HDAC9: variants seen among roughly 807,000 people sequenced by gnomAD.
HDAC9 encodes MEF-2 interacting transcription repressor (MITR) protein.
In HDAC9, 41 loss-of-function variants were observed where a neutral mutation model predicts 139.4. The observed-to-expected ratio is 0.29, with a 90% CI of 0.23 to 0.38. HDAC9 has a LOEUF of 0.38. Among genes scored for constraint, HDAC9 ranks in the 10% least tolerant of loss-of-function variants. The pLI, the probability that HDAC9 is intolerant of heterozygous loss-of-function variation, is 1.00. For missense variants in HDAC9, 1,147 were observed against 1,297.0 expected (o/e 0.88, Z 1.78); for synonymous variants, 517 against 476.2 (o/e 1.09, Z -1.12).
At chr7:18,599,416 A>G (rs1385799270) in intron 6 of HDAC9, among the ~76,000 whole-genome samples, 3 of 152,208 alleles carry the variant, frequency 2.0e-5, no homozygotes, top group South Asian at 4.1e-4. Flanking sequence ...ACAGAATGAT[A>G]TAGAATAGTT....
In HDAC9 at chr7:18,481,383, G is replaced by A. The variant is rs189395314; in HGVS notation, c.-41-14879G>A. Among the ~76,000 whole-genome samples the A allele has an allele frequency of 1.9e-3, 286 of 152,224 alleles. 2 individuals are homozygous for A. Among genetic ancestry groups the A allele is most frequent in the Non-Finnish European group, 3.3e-3 (223 of 68,008 alleles). Reference sequence around the variant, plus strand: ...TTGCTGCATACGTGTACTGTTACAGGTCTAATGTTTCCTTCGTGGTGTTCA... The same window carrying A: ...TTGCTGCATACGTGTACTGTTACAGATCTAATGTTTCCTTCGTGGTGTTCA... On this transcript the variant is annotated intron_variant, in intron 1 of 3. Transcript: ENST00000413509.
At chr7:18,668,945 T>C (rs1426468191) in intron 12 of HDAC9, 1 of 933,710 alleles carries the variant, frequency 1.1e-6, no homozygotes, top group Non-Finnish European at 1.3e-6. Context: ...CCAGTCTTTG[T>C]TGAAACAAGA....
At chr7:18,552,959 A>C (rs990326624) in intron 2 of HDAC9, among the ~76,000 whole-genome samples, 2 of 152,216 alleles carry the variant, frequency 1.3e-5, no homozygotes, top group African/African-American at 4.8e-5. Flanking sequence ...ATCCAAGTGT[A>C]CTGGCAGCGT....
chr7:18,761,664 A>G (rs761414244), intron 14 of HDAC9, among the ~76,000 whole-genome samples: 1 of 152,194 alleles, frequency 6.6e-6, no homozygotes, highest in Non-Finnish European at 1.5e-5. Flanking sequence ...GTTTTAACTA[A>G]TACTACTGTG....
intron 1 of HDAC9, among the ~76,000 whole-genome samples, chr7:18,089,982 C>T (rs899017228): frequency 6.6e-6 from 1 of 152,092 alleles, no homozygotes; most frequent in Non-Finnish European, 1.5e-5. Flanking sequence ...GCTCTTACTG[C>T]TTGAAGCCTT....
chr7:18,624,237 A>G (rs757333475), intron 6 of HDAC9, among the ~76,000 whole-genome samples: 2 of 152,142 alleles, frequency 1.3e-5, no homozygotes, highest in African/African-American at 2.4e-5. Flanking sequence ...ATTGTGTACC[A>G]TGGAGACTAG....
intron 2 of HDAC9, among the ~76,000 whole-genome samples, chr7:18,278,027 T>C (rs1796859984): frequency 6.6e-6 from 1 of 152,186 alleles, no homozygotes; most frequent in Non-Finnish European, 1.5e-5. Context: ...TTCACTTCAC[T>C]AGCAACATCG....
chr7:18,836,215 AG>A (rs147426284), intron 21 of HDAC9, among the ~76,000 whole-genome samples: 345 of 152,268 alleles, frequency 2.3e-3, no homozygotes, highest in Middle Eastern at 3.4e-3. Flanking sequence ...CTCCCAAATA[AG>A]GAGGAAAAAA....
At chr7:18,378,905 A>G (rs1250032010) in intron 1 of HDAC9, among the ~76,000 whole-genome samples, 6 of 152,088 alleles carry the variant, frequency 3.9e-5, no homozygotes, top group East Asian at 1.9e-4. Flanking sequence ...CCCTTAATTC[A>G]GTTTTATCTA....
intron 2 of HDAC9, among the ~76,000 whole-genome samples, chr7:18,532,110 C>A (rs1486129023): frequency 6.6e-6 from 1 of 151,964 alleles, no homozygotes; most frequent in Non-Finnish European, 1.5e-5. Flanking sequence ...ATTATCTGGG[C>A]ATGGTGGTGC....
chr7:18,500,162 T>C (rs576152614), intron 2 of HDAC9, among the ~76,000 whole-genome samples: 11 of 152,130 alleles, frequency 7.2e-5, no homozygotes, highest in Non-Finnish European at 1.5e-4. Flanking sequence ...ACAGGAGGCA[T>C]AATTATTGTT....
At chr7:18,936,024 T>G in intron 23 of HDAC9, 82 bp downstream of exon 23, 2 of 1,365,598 alleles carry the variant, frequency 1.5e-6, no homozygotes, top group Non-Finnish European at 2.0e-6. Context: ...AAAAAAATTC[T>G]GCATACTCAG....
chr7:18,143,706 A>T (rs1199048058), intron 1 of HDAC9, among the ~76,000 whole-genome samples: 1 of 151,524 alleles, frequency 6.6e-6, no homozygotes, highest in Non-Finnish European at 1.5e-5. Flanking sequence ...GAATTGCTTG[A>T]ACTCAGGAGG....
chr7:18,585,687 C>T (rs2128802723), intron 3 of HDAC9, among the ~76,000 whole-genome samples, 165 bp downstream of exon 3: 1 of 152,002 alleles, frequency 6.6e-6, no homozygotes, highest in Admixed American at 6.5e-5. Flanking sequence ...TGGGTAAGTA[C>T]CTGTTAAAAA....
chr7:18,279,181 C>T (rs759610749), intron 2 of HDAC9, among the ~76,000 whole-genome samples: 2 of 152,104 alleles, frequency 1.3e-5, no homozygotes, highest in African/African-American at 2.4e-5. Context: ...TTTTATTAAA[C>T]GTACTTGACA....
intron 1 of HDAC9, among the ~76,000 whole-genome samples, chr7:18,471,458 A>T (rs1041414363): frequency 2.6e-5 from 4 of 152,226 alleles, no homozygotes; most frequent in African/African-American, 9.6e-5. Flanking sequence ...TTCAACATTC[A>T]TGGTTCCAAA....
chr7:18,881,618 C>T (rs963762096), intron 22 of HDAC9, among the ~76,000 whole-genome samples: 5 of 152,008 alleles, frequency 3.3e-5, no homozygotes, highest in African/African-American at 9.7e-5. Context: ...TAATTTTTTC[C>T]ACATTATCAA....
rs1002415873 is a variant in HDAC9, at chr7:18,808,995, T to C, written c.2322+15543T>C. Reference sequence around the variant, plus strand: ...TGATCCTGGCATAAAAATGAACATATAGACCAATGGAATAGAATGGAGAGC... The same window carrying C: ...TGATCCTGGCATAAAAATGAACATACAGACCAATGGAATAGAATGGAGAGC... On this transcript the variant is annotated intron_variant, in intron 17 of 25. Transcript: ENST00000686413. Among the ~76,000 whole-genome samples, 36 of 151,998 alleles carry C rather than the reference T, an allele frequency of 2.4e-4. 1 individual carries two copies. Among genetic ancestry groups the C allele is most frequent in the Middle Eastern group, 3.2e-3 (1 of 316 alleles).
chr7:18,740,308 A>G (rs575017919), intron 13 of HDAC9, among the ~76,000 whole-genome samples: 1 of 152,186 alleles, frequency 6.6e-6, no homozygotes, highest in Admixed American at 6.5e-5. Context: ...GAGATGAACC[A>G]GGTACCTCAG....
Sources: allele counts gnomAD v4.1 joint callset (sites outside exome capture counted in the v4.1 genomes callset), GRCh38; gene constraint gnomAD v4.1.1; transcripts MANE v1.5; gene names NCBI Gene and HGNC (gene_info 2026-07-23, HGNC 2026-07-21).